Variants in PUM2 observed in about 807,000 individuals in gnomAD.
PUM2 encodes the protein pumilio RNA binding family member 2, also known as pumilio homolog 2.
In PUM2, 57 loss-of-function variants were observed where a neutral mutation model predicts 124.5. The observed-to-expected ratio is 0.46, with a 90% confidence interval of 0.37 to 0.57. The LOEUF (loss-of-function observed/expected upper bound fraction) is 0.57, where lower values mean the gene tolerates loss of function less well. Ranked by LOEUF, PUM2 falls within the 20% of genes least tolerant of loss-of-function variation. PUM2 has a pLI of 0.00. For missense variants in PUM2, 1,065 were observed against 1,290.6 expected (o/e 0.83, Z 2.68); for synonymous variants, 460 against 446.1 (o/e 1.03, Z -0.39).
chr2:20,320,600 TA>T (rs149785770), intron 2 of PUM2, among the ~76,000 whole-genome samples: 8 of 152,078 alleles, frequency 5.3e-5, no homozygotes, highest in African/African-American at 1.9e-4. Context: ...TCCATTTTTT[TA>T]AAAAAAGTTT....
At chr2:20,298,672 C>T (rs1199673345) in intron 7 of PUM2, among the ~76,000 whole-genome samples, 1 of 152,036 alleles carries the variant, frequency 6.6e-6, no homozygotes, top group Non-Finnish European at 1.5e-5. Context: ...AGTTCAAGAC[C>T]AGCCTGGCCA....
chr2:20,341,542 C>T (rs1687228751), intron 1 of PUM2, among the ~76,000 whole-genome samples: 1 of 152,162 alleles, frequency 6.6e-6, no homozygotes, highest in Admixed American at 6.5e-5. Context: ...ACATCTCACT[C>T]AACTTTGGTA....
chr2:20,253,380 A>AT, intron 20 of PUM2, among the ~76,000 whole-genome samples: 1 of 152,008 alleles, frequency 6.6e-6, no homozygotes, highest in Non-Finnish European at 1.5e-5. Context: ...TAATTTTTAA[A>AT]TTTTTTGTAG....
intron 13 of PUM2, among the ~76,000 whole-genome samples, chr2:20,272,258 C>T (rs908965764): frequency 1.3e-5 from 2 of 151,912 alleles, no homozygotes; most frequent in East Asian, 1.9e-4. Context: ...GCCAGATAAA[C>T]GTGGGCTCAA....
Position 20,263,439 on chromosome 2 carries a change from C to T in PUM2, c.1979G>A (p.Gly660Asp). ...TCCAGGTGCTGCAGAGATATATCGA[C>T]CACTACCATTTGTCAGTCCTCCTAC... ...LHLGGLTNGS[G>D]RYISAAPGAE... Residue 660 changes from glycine to aspartate, a missense_variant, in exon 14 of 21, where the codon GGT becomes GAT. Physicochemically the swap from Gly to Asp is moderately conservative, Grantham distance 94. This residue lies in a region of PUM2 where 968 missense variants were observed against 1,159.8 expected (regional missense o/e 0.83). Transcript: ENST00000361078. The T allele has an allele frequency of 6.2e-7, 1 of 1,611,980 alleles. No homozygotes were observed. Among genetic ancestry groups the T allele is most frequent in the South Asian group, 1.1e-5 (1 of 91,026 alleles).
chr2:20,325,491 A>C (rs1683440319), intron 2 of PUM2, among the ~76,000 whole-genome samples: 1 of 152,216 alleles, frequency 6.6e-6, no homozygotes, highest in Non-Finnish European at 1.5e-5. Context: ...TTGATCTGCA[A>C]AGATAACTTT....
chr2:20,256,429 T>C (rs1664775846), intron 16 of PUM2, among the ~76,000 whole-genome samples: 1 of 152,178 alleles, frequency 6.6e-6, no homozygotes, highest in Non-Finnish European at 1.5e-5. Flanking sequence ...AGGATTATAA[T>C]GTAAATGATG....
chr2:20,291,837 T>C (rs886395576), intron 9 of PUM2, among the ~76,000 whole-genome samples: 1 of 152,152 alleles, frequency 6.6e-6, no homozygotes, highest in Non-Finnish European at 1.5e-5. Flanking sequence ...TTGTCGCCCA[T>C]TTGGTGACCA....
In PUM2 at chr2:20,254,851, G is replaced by A; in HGVS notation, c.2870+12C>T. 6.2e-7 allele frequency: 1 copy of A among 1,611,276 alleles called. No individual in the cohort carries two copies. The highest frequency in any genetic ancestry group is 8.5e-7 in the Non-Finnish European group (1 of 1,178,770). On this transcript the variant is annotated intron_variant, in intron 19 of 20. Transcript: ENST00000361078. Reference sequence around the variant, plus strand: ...AAGAATTGACCCTTAAAATTACAAAGTATTACAATACCTGGCAAATTTGTG... The same window carrying A: ...AAGAATTGACCCTTAAAATTACAAAATATTACAATACCTGGCAAATTTGTG...
At chr2:20,263,996 T>A (rs1179301131) in intron 13 of PUM2, among the ~76,000 whole-genome samples, 1 of 152,126 alleles carries the variant, frequency 6.6e-6, no homozygotes, top group Non-Finnish European at 1.5e-5. Context: ...TATTAGGTAA[T>A]AAATCTAAAT....
At chr2:20,328,673 T>C (rs1430166096) in intron 1 of PUM2, among the ~76,000 whole-genome samples, 1 of 152,030 alleles carries the variant, frequency 6.6e-6, no homozygotes, top group African/African-American at 2.4e-5. Flanking sequence ...GAAAAAAATA[T>C]TTAAAAATTA....
intron 9 of PUM2, among the ~76,000 whole-genome samples, chr2:20,292,202 C>T (rs575975165): frequency 7.9e-5 from 12 of 151,662 alleles, no homozygotes; most frequent in East Asian, 3.9e-4. Flanking sequence ...TCCTGGCCTC[C>T]GCTACTTGAT....
At position 20,251,444 on chromosome 2, in the gene PUM2, C is replaced by A. The variant is rs1029258701; in HGVS notation, c.*141G>T. ...ATACACAAGAACCTTAAAAAATTTA[C>A]AAATGGATGAATAAAGTCAATAAAT... is the stretch of plus-strand genomic sequence containing the variant. On this transcript the variant is annotated 3_prime_UTR_variant, in exon 21 of 21. Transcript: ENST00000361078. 2.5e-5 allele frequency: 26 copies of A among 1,039,794 alleles called. No homozygotes were observed. Among genetic ancestry groups the A allele is most frequent in the Non-Finnish European group, 3.4e-5 (25 of 745,034 alleles). 64.4% of individuals were successfully genotyped at this position (1,039,794 alleles called of 1,614,324 possible). A position where few individuals can be genotyped will look rare whatever the true frequency, so the allele number is the denominator to read the frequency against.
At chr2:20,323,912 A>G in intron 2 of PUM2, among the ~76,000 whole-genome samples, 1 of 40,692 alleles carries the variant, frequency 2.5e-5, no homozygotes, top group Non-Finnish European at 5.0e-5. Flanking sequence ...GACTAGCAAA[A>G]AAAAAAAAAA....
intron 1 of PUM2, among the ~76,000 whole-genome samples, chr2:20,348,179 T>C (rs1688609852): frequency 6.6e-6 from 1 of 150,742 alleles, no homozygotes; most frequent in Admixed American, 6.6e-5. Context: ...ATAATAATAA[T>C]AATAATAATA....
intron 1 of PUM2, among the ~76,000 whole-genome samples, chr2:20,345,962 A>G (rs1688173387): frequency 6.6e-6 from 1 of 152,230 alleles, no homozygotes; most frequent in Admixed American, 6.5e-5. Flanking sequence ...TACTCCATGA[A>G]TATTTTCTCA....
chr2:20,283,069 G>A lies in PUM2; in HGVS notation c.1598C>T (p.Ser533Phe). 6.2e-7 allele frequency: 1 copy of A among 1,614,042 alleles called. No homozygotes were observed. Among genetic ancestry groups the A allele is most frequent in the Non-Finnish European group, 8.5e-7 (1 of 1,179,992 alleles). Residue 533 changes from serine (S) to phenylalanine (F), a missense_variant, in exon 12 of 21, where the codon TCC becomes TTC. Ser to Phe is a radical substitution (Grantham distance 155). Coordinates refer to ENST00000361078, the MANE Select transcript of PUM2 (RefSeq NM_015317.5). Reference protein sequence around the residue: ...FYGSSSLTNSSQSSSLFSHGP... With the variant: ...FYGSSSLTNSFQSSSLFSHGP... ...ATGAGAAAATAAAGAACTACTCTGG[G>A]AGCTATTAGTCAAAGAACTGCTTCC...
intron 13 of PUM2, among the ~76,000 whole-genome samples, chr2:20,278,219 T>C (rs546230418): frequency 3.9e-5 from 6 of 152,294 alleles, no homozygotes; most frequent in African/African-American, 7.2e-5. Flanking sequence ...ATGTAACTAA[T>C]GTTTTTCTTA....
upstream of PUM2, among the ~76,000 whole-genome samples, chr2:20,351,080 C>A (rs745577084): frequency 3.3e-5 from 5 of 152,204 alleles, no homozygotes; most frequent in Non-Finnish European, 7.4e-5. Flanking sequence ...TGGGCTCCGC[C>A]GCGGCGGGCT....
Sources: gnomAD v4.1 joint callset for allele counts (sites outside exome capture counted in the v4.1 genomes callset) on GRCh38, gnomAD v4.1.1 for gene constraint, gnomAD v4.1.1 regional missense constraint, MANE v1.5 for transcripts, NCBI Gene and HGNC (gene_info 2026-07-23, HGNC 2026-07-21) for gene names.